Variants in TBCD observed in about 807,000 individuals in gnomAD.
TBCD encodes the protein tubulin-specific chaperone D.
TBCD carries 105 observed loss-of-function variants against 169.3 expected under a neutral mutation model. The ratio of observed to expected loss-of-function variants is 0.62; its 90% CI spans 0.53 to 0.73. TBCD has a LOEUF of 0.73. Ranked by LOEUF, TBCD falls within the 30% of genes least tolerant of loss-of-function variation. TBCD has a pLI of 0.00. For synonymous variants in TBCD, 700 were observed against 643.9 expected, an observed-to-expected ratio of 1.09 and a Z score of -1.32; for missense variants, 1,444 against 1,600.1, an observed-to-expected ratio of 0.90 and a Z score of 1.66.
intron 13 of TBCD, 70 bp from the exon 14 acceptor site, chr17:82,870,154 A>G: frequency 6.3e-7 from 1 of 1,599,154 alleles, no homozygotes; most frequent in Non-Finnish European, 8.5e-7. Flanking sequence ...CCTGAGCCCC[A>G]CTTCTCTGAA....
intron 13 of TBCD, among the ~76,000 whole-genome samples, chr17:82,818,522 T>C (rs1024967244): frequency 2.5e-4 from 38 of 152,200 alleles, no homozygotes; most frequent in African/African-American, 8.9e-4. Context: ...TCCTAGCCTC[T>C]TGGGAGGCCA....
At chr17:82,860,773 C>T (rs531454014) in intron 13 of TBCD, among the ~76,000 whole-genome samples, 61 of 152,304 alleles carry the variant, frequency 4.0e-4, no homozygotes, top group African/African-American at 1.4e-3. Flanking sequence ...CGCCCGTGTC[C>T]GGGCTGTGTA....
In TBCD at chr17:82,889,707, C is replaced by A; in HGVS notation, c.1563+10C>A. 6.2e-7 allele frequency: 1 copy of A among 1,612,828 alleles called. No homozygotes were observed. Among genetic ancestry groups the A allele is most frequent in the Non-Finnish European group, 8.5e-7 (1 of 1,179,626 alleles). Reference sequence around the variant, plus strand: ...GAATGTGGGGAGACAGGTATGGCTGCTTTCAAACACCTTTATTCCAAAAAC... The same window carrying A: ...GAATGTGGGGAGACAGGTATGGCTGATTTCAAACACCTTTATTCCAAAAAC... On this transcript the variant is annotated intron_variant, in intron 16 of 38. Coordinates refer to ENST00000355528, the MANE Select transcript of TBCD (RefSeq NM_005993.5). This position sits in a 1 kb window ranked among gnomAD's most constrained non-coding sequence, Gnocchi z 5.3.
In TBCD at chr17:82,814,924, A is replaced by C; in HGVS notation, c.1308A>C (p.Arg436=). Residue 436 remains arginine, a synonymous_variant, in exon 13 of 39, where the codon CGA becomes CGC. Transcript: ENST00000355528. The part of the protein sequence containing the change: ...LGRRGLLLPS[R]LVDVVAVILK... ...GGAGAGGCCTGTTGCTGCCGTCTCG[A>C]CTCGTGGATGGTGAGTAGCTGAGGC... is the stretch of plus-strand genomic sequence containing the variant. 1 of 1,604,650 alleles carries C rather than the reference A, an allele frequency of 6.2e-7. No homozygotes were observed. Among genetic ancestry groups the C allele is most frequent in the Non-Finnish European group, 8.5e-7 (1 of 1,177,448 alleles).
At chr17:82,891,805 C>T (rs1200226215) in intron 16 of TBCD, among the ~76,000 whole-genome samples, 1 of 152,136 alleles carries the variant, frequency 6.6e-6, no homozygotes, top group Non-Finnish European at 1.5e-5. Flanking sequence ...CTTCTCTGTC[C>T]AGGTTCGTCT....
At chr17:82,942,202 G>A (rs748601261) in intron 38 of TBCD, 13 of 574,692 alleles carry the variant, frequency 2.3e-5, no homozygotes, top group Non-Finnish European at 4.0e-5. Context: ...TGTGAATGCA[G>A]GTTAAGAGCA....
In TBCD at chr17:82,771,009, C is replaced by T. The variant is rs1409632967; in HGVS notation, c.583-1443C>T. On this transcript the variant is annotated intron_variant, in intron 5 of 38. Coordinates refer to ENST00000355528, the MANE Select transcript of TBCD (RefSeq NM_005993.5). Reference sequence around the variant, plus strand: ...GTTGCAGTGAGCCAAGATTGCACCACTGCACTCTAGCCTGGGCAGCAGAGC... The same window carrying T: ...GTTGCAGTGAGCCAAGATTGCACCATTGCACTCTAGCCTGGGCAGCAGAGC... Among the ~76,000 whole-genome samples the T allele has an allele frequency of 4.4e-5, 6 of 137,140 alleles. No homozygotes were observed. The Admixed American group carries it at 4.7e-4, about 11-fold the overall frequency. 90.0% of individuals were successfully genotyped at this position (137,140 alleles called of 152,430 possible). A position where few individuals can be genotyped will look rare whatever the true frequency, so the allele number is the denominator to read the frequency against.
intron 21 of TBCD, 69 bp from the exon 22 acceptor site, chr17:82,909,216 C>T: frequency 4.1e-6 from 5 of 1,227,698 alleles, no homozygotes; most frequent in Non-Finnish European, 5.7e-6. Context: ...TTGTTTTTGA[C>T]AGTTGTTAAC....
chr17:82,798,028 T>C (rs1568148933), intron 8 of TBCD, among the ~76,000 whole-genome samples: 1 of 138,516 alleles, frequency 7.2e-6, no homozygotes, highest in East Asian at 2.2e-4. Context: ...CCAGGCTGGA[T>C]TGCAGTGGCA....
chr17:82,932,337 G>A (rs778856567), intron 33 of TBCD, among the ~76,000 whole-genome samples: 25 of 152,248 alleles, frequency 1.6e-4, no homozygotes, highest in Admixed American at 3.3e-4. Context: ...CCTCTCCGCT[G>A]CATTGCCGTT....
At position 82,797,962 on chromosome 17, in the gene TBCD, C is replaced by CT. The variant is rs60671571; in HGVS notation, c.817+192dup. On this transcript the variant is annotated intron_variant, in intron 8 of 38. Transcript: ENST00000355528. The stretch of plus-strand genomic sequence containing the variant: ...TTTGTTGTGGGTTTTAGTAACTGAA[C>CT]TTTTTTTTTTTTTTTTTTTTTTTTT... Among the ~76,000 whole-genome samples, 59 of 49,042 alleles carry CT rather than the reference C, an allele frequency of 1.2e-3. 8 individuals carry two copies. Among genetic ancestry groups the CT allele is most frequent in the African/African-American group, 2.9e-3 (39 of 13,448 alleles). 32.2% of individuals were successfully genotyped at this position (49,042 alleles called of 152,430 possible). A position where few individuals can be genotyped will look rare whatever the true frequency, so the allele number is the denominator to read the frequency against.
chr17:82,787,418 C>T (rs1377890255), intron 7 of TBCD, among the ~76,000 whole-genome samples: 5 of 152,216 alleles, frequency 3.3e-5, no homozygotes, highest in African/African-American at 4.8e-5. Context: ...AAGCCCTGGG[C>T]GGCTGCTGGA....
intron 8 of TBCD, 60 bp downstream of exon 8, chr17:82,797,862 A>C: frequency 7.6e-7 from 1 of 1,318,454 alleles, no homozygotes; most frequent in Non-Finnish European, 1.0e-6. Flanking sequence ...TATACAATCA[A>C]GTGTCTTTCC....
chr17:82,829,578 T>C (rs140349630), intron 13 of TBCD: 86 of 157,554 alleles, frequency 5.5e-4, no homozygotes, highest in Non-Finnish European at 8.5e-4. Flanking sequence ...TGTAACATTA[T>C]AAGCAAGTAG....
intron 12 of TBCD, among the ~76,000 whole-genome samples, chr17:82,810,199 C>T (rs1056471352): frequency 2.0e-5 from 3 of 152,128 alleles, no homozygotes; most frequent in African/African-American, 4.8e-5. Context: ...TTCATTTTAA[C>T]GAAATGTGAG....
At chr17:82,882,597 G>C (rs1427707414) in intron 14 of TBCD, among the ~76,000 whole-genome samples, 2 of 152,266 alleles carry the variant, frequency 1.3e-5, no homozygotes, top group Non-Finnish European at 2.9e-5. Flanking sequence ...TGAGAGGTGT[G>C]CTGTGAACCT....
At chr17:82,934,536 G>T (rs1430094288) in intron 34 of TBCD, among the ~76,000 whole-genome samples, 1 of 151,950 alleles carries the variant, frequency 6.6e-6, no homozygotes, top group African/African-American at 2.4e-5. Context: ...GAATTGGTGC[G>T]ATCTCAGCTC....
At chr17:82,778,693 G>A (rs2048752068) in intron 6 of TBCD, among the ~76,000 whole-genome samples, 1 of 150,524 alleles carries the variant, frequency 6.6e-6, no homozygotes, top group South Asian at 2.1e-4. Context: ...GTGCAGTGGC[G>A]TGATTTTGGC....
chr17:82,881,044 C>T (rs1334943152), intron 14 of TBCD, among the ~76,000 whole-genome samples: 1 of 152,200 alleles, frequency 6.6e-6, no homozygotes, highest in Non-Finnish European at 1.5e-5. Context: ...CCCCAGCCCT[C>T]AGAAGCCTCC....
Sources: gnomAD v4.1 joint callset for allele counts (sites outside exome capture counted in the v4.1 genomes callset) on GRCh38, gnomAD v4.1.1 for gene constraint, Gnocchi (gnomAD v3.1) non-coding constraint, MANE v1.5 for transcripts, NCBI Gene and HGNC (gene_info 2026-07-23, HGNC 2026-07-21) for gene names.